The following LSM12 variants were observed in gnomAD, a reference collection of about 807,000 sequenced individuals.
The protein encoded by LSM12 is protein LSM12.
For missense variants in LSM12, 108 were observed against 238.9 expected, an observed-to-expected ratio of 0.45 and a Z score of 3.61; for synonymous variants, 74 against 87.3, an observed-to-expected ratio of 0.85 and a Z score of 0.85.
chr17:44,065,761 C>G (rs1192457635), intron 1 of LSM12, among the ~76,000 whole-genome samples: 2 of 152,136 alleles, frequency 1.3e-5, no homozygotes, highest in Non-Finnish European at 2.9e-5. Context: ...CATCCCCAAA[C>G]CACATAAGCC....
chr17:44,045,764 G>C (rs1209977581), intron 2 of LSM12, among the ~76,000 whole-genome samples: 3 of 151,356 alleles, frequency 2.0e-5, no homozygotes, highest in Non-Finnish European at 2.9e-5. Context: ...GTAGAGACAG[G>C]GTTTCACCGT....
In LSM12 at chr17:44,063,786, C is replaced by A. The variant is rs772225360; in HGVS notation, c.258+15G>T. 1.9e-6 allele frequency: 3 copies of A among 1,610,546 alleles called. No homozygotes were observed. Among genetic ancestry groups the A allele is most frequent in the Non-Finnish European group, 1.7e-6 (2 of 1,178,194 alleles). On this transcript the variant is annotated intron_variant, in intron 2 of 4. Coordinates refer to ENST00000293406, the MANE Select transcript of LSM12 (RefSeq NM_001371445.1). ...CCACCATTTTAGAGAGCCAGATCTG[C>A]CCTTGAGTCCTTACCTTACTAACAT...
Position 44,056,850 on chromosome 17 carries a change from G to A in LSM12, c.258+6951C>T, listed in dbSNP as rs539388196. Reference sequence around the variant, plus strand: ...CTACTAATAATACAAAATTAGCCAGGTGGGGTGGCACATGCCTGTAATCCC... The same window carrying A: ...CTACTAATAATACAAAATTAGCCAGATGGGGTGGCACATGCCTGTAATCCC... On this transcript the variant is annotated intron_variant, in intron 2 of 4. Transcript: ENST00000293406. Among the ~76,000 whole-genome samples the A allele has an allele frequency of 3.9e-5, 6 of 152,082 alleles. No individual in the cohort carries two copies. In the East Asian group the frequency reaches 1.2e-3, roughly 30 times the overall value.
At chr17:44,046,887 C>G (rs1000802589) in intron 2 of LSM12, among the ~76,000 whole-genome samples, 1 of 150,942 alleles carries the variant, frequency 6.6e-6, no homozygotes, top group Non-Finnish European at 1.5e-5. Flanking sequence ...CCCGCCACCA[C>G]GCCTGGCTAA....
At chr17:44,047,047 T>C (rs1288925139) in intron 2 of LSM12, among the ~76,000 whole-genome samples, 1 of 152,000 alleles carries the variant, frequency 6.6e-6, no homozygotes, top group Non-Finnish European at 1.5e-5. Flanking sequence ...TTGATAGTTC[T>C]AAATCTGCCA....
chr17:44,061,772 A>G (rs1244815346), intron 2 of LSM12, among the ~76,000 whole-genome samples: 1 of 152,238 alleles, frequency 6.6e-6, no homozygotes, highest in African/African-American at 2.4e-5. Flanking sequence ...AAGAGACTTA[A>G]TGAAAAGCAC....
chr17:44,039,728 C>T (rs2049464112), intron 3 of LSM12, among the ~76,000 whole-genome samples: 1 of 152,162 alleles, frequency 6.6e-6, no homozygotes. Flanking sequence ...GCTCTAACTC[C>T]CTGTGTTCAT....
At chr17:44,058,301 C>G (rs2049747803) in intron 2 of LSM12, among the ~76,000 whole-genome samples, 1 of 151,864 alleles carries the variant, frequency 6.6e-6, no homozygotes, top group African/African-American at 2.4e-5. Flanking sequence ...TAACATCTGC[C>G]AAGTCTAATG....
intron 1 of LSM12, 128 bp downstream of exon 1, chr17:44,066,321 GCCGTGCGCATGCGCC>G (rs1489932353): frequency 4.7e-6 from 5 of 1,068,708 alleles, no homozygotes; most frequent in African/African-American, 3.4e-5. Flanking sequence ...GGAGCTCAGG[GCCGTGCGCATGCGCC>G]CCGGGCGCCG....
chr17:44,066,550 C>T lies in LSM12; in HGVS notation c.38G>A (p.Ser13Asn). The change falls in exon 1 of 5, where the codon AGC becomes AAC. Residue 13 changes from serine (S) to asparagine (N), a missense_variant. Ser to Asn is a conservative substitution (Grantham distance 46). Transcript: ENST00000293406. ...CTGGCACGTCCGGCACGACACCTGGCTCCCAACGCTGAAGTACTCGCCCGG... is the reference window on the plus strand; with the variant it reads ...CTGGCACGTCCGGCACGACACCTGGTTCCCAACGCTGAAGTACTCGCCCGG... The part of the protein sequence containing the change: ...APPGEYFSVG[S>N]QVSCRTCQEQ... 1 of 1,511,724 alleles carries T rather than the reference C, an allele frequency of 6.6e-7. No individual in the cohort carries two copies. The highest frequency in any genetic ancestry group is 8.8e-7 in the Non-Finnish European group (1 of 1,130,618). The allele number at this position is 1,511,724 out of a possible 1,614,324, so 93.6% of individuals were successfully genotyped here.
chr17:44,066,351 A>C, intron 1 of LSM12, 113 bp downstream of exon 1: 1 of 1,356,620 alleles, frequency 7.4e-7, no homozygotes, highest in Non-Finnish European at 9.6e-7. Context: ...GCGCCGCGGT[A>C]GCCGGTCGCC....
At chr17:44,040,288 T>C in intron 2 of LSM12, 32 bp from the exon 3 acceptor site, 1 of 1,531,362 alleles carries the variant, frequency 6.5e-7, no homozygotes, top group Non-Finnish European at 9.0e-7. Flanking sequence ...AGACTCAGAA[T>C]AGGATTCATC....
At chr17:44,041,766 A>G (rs1429180544) in intron 2 of LSM12, among the ~76,000 whole-genome samples, 1 of 152,178 alleles carries the variant, frequency 6.6e-6, no homozygotes, top group Non-Finnish European at 1.5e-5. Context: ...ACTGGTTGCT[A>G]GAGATTCCAG....
chr17:44,043,535 AAGG>A (rs1332029643), intron 2 of LSM12, among the ~76,000 whole-genome samples: 4 of 149,602 alleles, frequency 2.7e-5, no homozygotes, highest in African/African-American at 9.8e-5. Flanking sequence ...CCCCGGTAAC[AAGG>A]AGGAGTTTCC....
chr17:44,051,389 CAAAAAAAAAAAAAAA>C (rs57974319), intron 2 of LSM12, among the ~76,000 whole-genome samples: 1 of 114,954 alleles, frequency 8.7e-6, no homozygotes, highest in African/African-American at 4.1e-5. Context: ...GACTCCGTCT[CAAAAAAAAAAAAAAA>C]AAAAAAAAAA....
At chr17:44,062,221 CAAAAAA>C (rs529081923) in intron 2 of LSM12, among the ~76,000 whole-genome samples, 2 of 63,892 alleles carry the variant, frequency 3.1e-5, no homozygotes, top group Non-Finnish European at 5.5e-5. Flanking sequence ...GACTCCGTCT[CAAAAAA>C]AAAAAAAAAA....
intron 1 of LSM12, 31 bp downstream of exon 1, chr17:44,066,433 C>T (rs1477513668): frequency 6.5e-7 from 1 of 1,545,954 alleles, no homozygotes. Flanking sequence ...ACACGCCGGC[C>T]CGGACTCGGG....
chr17:44,064,308 T>C (rs1048001947), intron 1 of LSM12, among the ~76,000 whole-genome samples: 2 of 152,218 alleles, frequency 1.3e-5, no homozygotes, highest in Non-Finnish European at 2.9e-5. Flanking sequence ...AGCTTTCCCA[T>C]TTTGCAGAGG....
chr17:44,047,449 G>A (rs577264565), intron 2 of LSM12, among the ~76,000 whole-genome samples: 23 of 152,012 alleles, frequency 1.5e-4, no homozygotes, highest in African/African-American at 4.8e-5. Context: ...GTTTCACCAC[G>A]TTGGCCAGGC....
Sources: allele counts gnomAD v4.1 joint callset (sites outside exome capture counted in the v4.1 genomes callset), GRCh38; gene constraint gnomAD v4.1.1; transcripts MANE v1.5; gene names NCBI Gene and HGNC (gene_info 2026-07-23, HGNC 2026-07-21).